Variants in ATAD2 observed in about 807,000 individuals in gnomAD.
The protein encoded by ATAD2 is ATPase family AAA domain containing 2.
A neutral mutation model predicts 168.9 loss-of-function variants in ATAD2; 62 were observed. The ratio of observed to expected loss-of-function variants is 0.37; its 90% confidence interval spans 0.30 to 0.45. ATAD2 has a LOEUF of 0.45. Among genes scored for constraint, ATAD2 ranks in the 20% least tolerant of loss-of-function variants. The pLI, the probability that ATAD2 is intolerant of heterozygous loss-of-function variation, is 1.00. For synonymous variants in ATAD2, 613 were observed against 571.6 expected (o/e 1.07, Z -1.03); for missense variants, 1,419 against 1,667.8 (o/e 0.85, Z 2.60).
chr8:123,380,749 A>G, intron 1 of ATAD2, 72 bp from the exon 2 acceptor site: 1 of 1,492,220 alleles, frequency 6.7e-7, no homozygotes, highest in Non-Finnish European at 9.1e-7. Context: ...TCCAAAGAGT[A>G]TTCTCTGATT....
Position 123,346,012 on chromosome 8 carries a change from CA to C in ATAD2, c.2532+73del, listed in dbSNP as rs553712957. Reference sequence around the variant, plus strand: ...ATCAGAAAGACAAAAAAACACAATACAAAAAAATGGGGCAATTTTAGCTTTT... The same window carrying C: ...ATCAGAAAGACAAAAAAACACAATACAAAAAATGGGGCAATTTTAGCTTTT... On this transcript the variant is annotated intron_variant, in intron 18 of 27. Coordinates refer to ENST00000287394, the MANE Select transcript of ATAD2 (RefSeq NM_014109.4). 2.2e-3 allele frequency: 2,708 copies of C among 1,227,228 alleles called. 4 individuals are homozygous for C. The highest frequency in any genetic ancestry group is 2.8e-3 in the Non-Finnish European group (2,562 of 921,822). The allele number at this position is 1,227,228 out of a possible 1,614,324, so 76.0% of individuals were successfully genotyped here. A position where few individuals can be genotyped will look rare whatever the true frequency, so the allele number is the denominator to read the frequency against.
At chr8:123,336,665 AC>A in intron 21 of ATAD2, 133 bp from the exon 22 acceptor site, 2 of 661,342 alleles carry the variant, frequency 3.0e-6, no homozygotes, top group Non-Finnish European at 4.5e-6. Context: ...TTAACATAAA[AC>A]CTTTCACTTG....
intron 21 of ATAD2, among the ~76,000 whole-genome samples, chr8:123,337,178 C>T (rs936574926): frequency 6.6e-6 from 1 of 151,316 alleles, no homozygotes; most frequent in African/African-American, 2.4e-5. Flanking sequence ...GCCTGGCCAA[C>T]ATGGAGAAAC....
At chr8:123,410,141 G>A (rs1032066849) in intron 1 of ATAD2, among the ~76,000 whole-genome samples, 1 of 151,790 alleles carries the variant, frequency 6.6e-6, no homozygotes, top group South Asian at 2.1e-4. Context: ...TAATTTCACT[G>A]GACACAGGTT....
intron 8 of ATAD2, among the ~76,000 whole-genome samples, chr8:123,367,905 G>A (rs1331254014): frequency 6.6e-6 from 1 of 152,132 alleles, no homozygotes; most frequent in Non-Finnish European, 1.5e-5. Context: ...ACCAAAACAT[G>A]ATCAGATGGT....
chr8:123,332,018 T>A (rs1563834220), intron 24 of ATAD2, among the ~76,000 whole-genome samples: 3 of 152,248 alleles, frequency 2.0e-5, no homozygotes, highest in Admixed American at 6.5e-5. Context: ...AATGGTGCTA[T>A]GTACGATCTG....
intron 1 of ATAD2, among the ~76,000 whole-genome samples, chr8:123,411,544 C>T (rs1011414712): frequency 2.0e-5 from 3 of 152,122 alleles, no homozygotes; most frequent in African/African-American, 7.2e-5. Context: ...TGCAACTTAG[C>T]TCAAACCCAA....
At chr8:123,395,151 A>G (rs540980493) in intron 1 of ATAD2, among the ~76,000 whole-genome samples, 9 of 151,958 alleles carry the variant, frequency 5.9e-5, no homozygotes, top group African/African-American at 1.9e-4. Context: ...CTCAGGTCCT[A>G]TTTTTCCTAC....
intron 25 of ATAD2, among the ~76,000 whole-genome samples, chr8:123,326,495 C>A (rs536149516): frequency 5.3e-5 from 8 of 151,552 alleles, no homozygotes; most frequent in Admixed American, 1.3e-4. Context: ...CATGGGAAAA[C>A]CCCATCTCTT....
chr8:123,380,163 T>A (rs1157141126), intron 2 of ATAD2, among the ~76,000 whole-genome samples: 1 of 152,096 alleles, frequency 6.6e-6, no homozygotes, highest in Non-Finnish European at 1.5e-5. Flanking sequence ...GCCATTCTCC[T>A]GCCTCAGCCT....
At position 123,363,030 on chromosome 8, in the gene ATAD2, T is replaced by A. The variant is rs542732173; in HGVS notation, c.1050-1384A>T. Among the ~76,000 whole-genome samples, 155 of 152,208 alleles carry A rather than the reference T, an allele frequency of 1.0e-3. 3 individuals are homozygous for A. The highest frequency in any genetic ancestry group is 1.9e-3 in the Non-Finnish European group (132 of 68,022). On this transcript the variant is annotated intron_variant, in intron 8 of 27. Coordinates refer to ENST00000287394, the MANE Select transcript of ATAD2 (RefSeq NM_014109.4). The stretch of plus-strand genomic sequence containing the variant: ...TTTAATCACTTCTACCTTTGAATGG[T>A]TGCAAAAGACTCACAGAAAAAACAA...
At position 123,370,030 on chromosome 8, in the gene ATAD2, A is replaced by G. The variant is rs376486676; in HGVS notation, c.728-6T>C. 4 of 1,599,864 alleles carry G rather than the reference A, an allele frequency of 2.5e-6. No homozygotes were observed. The highest frequency in any genetic ancestry group is 1.3e-5 in the African/African-American group (1 of 74,592). On this transcript the variant is annotated splice_region_variant and splice_polypyrimidine_tract_variant and intron_variant, in intron 6 of 27. Transcript: ENST00000287394. The stretch of plus-strand genomic sequence containing the variant: ...TTCACCCTCTTCAGATGACTCTACA[A>G]TTAAGAGATCCTTACTTCCAGAAAG...
At chr8:123,357,888 A>T in intron 11 of ATAD2, 152 bp from the exon 12 acceptor site, 1 of 695,986 alleles carries the variant, frequency 1.4e-6, no homozygotes, top group Non-Finnish European at 2.3e-6. Flanking sequence ...ACAAAGCACA[A>T]CTTAAAACCT....
intron 1 of ATAD2, among the ~76,000 whole-genome samples, chr8:123,381,284 A>G (rs557506830): frequency 3.3e-4 from 50 of 152,114 alleles, no homozygotes; most frequent in Non-Finnish European, 5.9e-4. Context: ...GATTGCTTTG[A>G]GCTCACAAGT....
At chr8:123,359,200 T>C (rs769800678) in intron 11 of ATAD2, 21 bp downstream of exon 11, 1 of 1,514,770 alleles carries the variant, frequency 6.6e-7, no homozygotes, top group Non-Finnish European at 9.0e-7. Flanking sequence ...TCAGCTAAAA[T>C]TAAAAATATA....
At chr8:123,329,648 A>T (rs72722095) in intron 24 of ATAD2, among the ~76,000 whole-genome samples, 46,815 of 149,316 alleles carry the variant, frequency 0.31, 7,897 homozygotes, top group East Asian at 0.5. Flanking sequence ...CTGCAGTCCC[A>T]GCTACTCGCA....
chr8:123,390,882 G>A (rs1015032490), intron 1 of ATAD2, among the ~76,000 whole-genome samples: 2 of 152,082 alleles, frequency 1.3e-5, no homozygotes. Context: ...GGTGGCAGGC[G>A]CCTGTAATTG....
intron 2 of ATAD2, among the ~76,000 whole-genome samples, chr8:123,378,074 G>C (rs560619048): frequency 1.3e-5 from 2 of 152,246 alleles, no homozygotes; most frequent in East Asian, 3.9e-4. Flanking sequence ...TCAAATTTCA[G>C]AAATATCAGG....
intron 1 of ATAD2, among the ~76,000 whole-genome samples, chr8:123,389,294 A>G (rs550905286): frequency 6.9e-6 from 1 of 144,794 alleles, no homozygotes; most frequent in East Asian, 2.1e-4. Context: ...GCTGTTTTCT[A>G]TTCATCCTCA....
Sources: gnomAD v4.1 joint callset for allele counts (sites outside exome capture counted in the v4.1 genomes callset) on GRCh38, gnomAD v4.1.1 for gene constraint, MANE v1.5 for transcripts, NCBI Gene and HGNC (gene_info 2026-07-23, HGNC 2026-07-21) for gene names.